SCAMP2: variants seen among roughly 807,000 people sequenced by gnomAD.
SCAMP2 encodes secretory carrier membrane protein 2, also known as secretory carrier-associated membrane protein 2.
In SCAMP2, 25 loss-of-function variants were observed where a neutral mutation model predicts 44.1. The observed-to-expected ratio is 0.57, with a 90% confidence interval of 0.41 to 0.79. The LOEUF is 0.79. Among genes scored for constraint, SCAMP2 ranks in the 30% least tolerant of loss-of-function variants. SCAMP2 has a pLI of 0.00. For missense variants in SCAMP2, 355 were observed against 411.0 expected (o/e 0.86, Z 1.18); for synonymous variants, 156 against 166.0 (o/e 0.94, Z 0.46).
At chr15:74,853,200 G>A (rs1046141753) in intron 3 of SCAMP2, 2 of 327,748 alleles carry the variant, frequency 6.1e-6, no homozygotes, top group Non-Finnish European at 1.2e-5. Flanking sequence ...AGTCTGTGAC[G>A]CCAGCTGAGA....
chr15:74,853,854 A>C, intron 3 of SCAMP2, 167 bp downstream of exon 3: 1 of 619,640 alleles, frequency 1.6e-6, no homozygotes, highest in Non-Finnish European at 2.9e-6. Context: ...TAATTGGCAG[A>C]GCAGCCCCTC....
At chr15:74,846,227 A>G (rs925411782) in intron 7 of SCAMP2, among the ~76,000 whole-genome samples, 1 of 151,862 alleles carries the variant, frequency 6.6e-6, no homozygotes, top group African/African-American at 2.4e-5. Flanking sequence ...GGCTGCAGTG[A>G]GCCGAGATCA....
At chr15:74,871,837 G>C (rs1039897722) in intron 1 of SCAMP2, among the ~76,000 whole-genome samples, 52 of 151,174 alleles carry the variant, frequency 3.4e-4, no homozygotes, top group Middle Eastern at 3.4e-3. Flanking sequence ...TTCAGGCCAG[G>C]AGTTTGAGAC....
At chr15:74,865,950 C>G (rs935781438) in intron 1 of SCAMP2, among the ~76,000 whole-genome samples, 4 of 36,462 alleles carry the variant, frequency 1.1e-4, no homozygotes, top group African/African-American at 1.4e-4. Flanking sequence ...GACTCTGTCT[C>G]GAAGGAAGGA....
At chr15:74,873,138 C>T in intron 1 of SCAMP2, 61 bp downstream of exon 1, 1 of 1,352,048 alleles carries the variant, frequency 7.4e-7, no homozygotes, top group Non-Finnish European at 9.7e-7. Flanking sequence ...GCGAGAGGCC[C>T]GGGCGGCGGC....
intron 1 of SCAMP2, chr15:74,872,916 G>T (rs1175127498): frequency 7.6e-6 from 3 of 397,080 alleles, no homozygotes; most frequent in Admixed American, 9.2e-5. Flanking sequence ...GGAAGGGTCC[G>T]ACCGTACCTG....
intron 1 of SCAMP2, among the ~76,000 whole-genome samples, chr15:74,856,660 CAT>C (rs1249586746): frequency 6.6e-6 from 1 of 151,158 alleles, no homozygotes; most frequent in African/African-American, 2.4e-5. Context: ...GTGGTGCAAT[CAT>C]AGCTCATGGT....
chr15:74,859,288 G>GA (rs1407521831), intron 1 of SCAMP2, among the ~76,000 whole-genome samples: 2 of 152,142 alleles, frequency 1.3e-5, no homozygotes, highest in Non-Finnish European at 2.9e-5. Flanking sequence ...ACAGTGTGAG[G>GA]AACATACCAC....
chr15:74,872,206 A>T (rs2141184780), intron 1 of SCAMP2, among the ~76,000 whole-genome samples: 1 of 152,120 alleles, frequency 6.6e-6, no homozygotes, highest in Non-Finnish European at 1.5e-5. Context: ...TGAGGTCAGG[A>T]GTTTGAGACC....
intron 1 of SCAMP2, 31 bp from the exon 2 acceptor site, chr15:74,854,680 A>G (rs768142664): frequency 4.4e-6 from 7 of 1,582,392 alleles, no homozygotes; most frequent in Admixed American, 3.6e-5. Context: ...CCTTAGACAC[A>G]GTGGAGAAAA....
chr15:74,849,793 GA>G (rs1178888687), intron 6 of SCAMP2, among the ~76,000 whole-genome samples: 1 of 151,948 alleles, frequency 6.6e-6, no homozygotes, highest in Non-Finnish European at 1.5e-5. Flanking sequence ...AGAACAATGA[GA>G]AAAAAACAAA....
chr15:74,847,682 A>G (rs948662699), intron 7 of SCAMP2, among the ~76,000 whole-genome samples: 5 of 152,252 alleles, frequency 3.3e-5, no homozygotes, highest in Admixed American at 6.5e-5. Flanking sequence ...GCTGTCAGCC[A>G]AGTGCCAGTC....
intron 1 of SCAMP2, among the ~76,000 whole-genome samples, chr15:74,861,539 C>T (rs778290557): frequency 6.6e-6 from 1 of 152,158 alleles, no homozygotes; most frequent in African/African-American, 2.4e-5. Context: ...TGTTTTGGTA[C>T]GCATCCCCTT....
chr15:74,865,074 CAAAA>C (rs36079981), intron 1 of SCAMP2, among the ~76,000 whole-genome samples: 7 of 32,824 alleles, frequency 2.1e-4, no homozygotes, highest in Non-Finnish European at 3.7e-4. Context: ...GACTCTATCT[CAAAA>C]AAAAAAAAAA....
At chr15:74,858,677 G>A (rs1484861219) in intron 1 of SCAMP2, among the ~76,000 whole-genome samples, 1 of 151,950 alleles carries the variant, frequency 6.6e-6, no homozygotes, top group Non-Finnish European at 1.5e-5. Context: ...TCGAAGCCTG[G>A]TACGGAGCCT....
intron 1 of SCAMP2, among the ~76,000 whole-genome samples, chr15:74,872,189 G>A (rs4886608): frequency 0.45 from 68,292 of 151,808 alleles, 16,274 homozygotes; most frequent in Non-Finnish European, 0.54. Flanking sequence ...GAGGCGGATG[G>A]ATCACCTGAG....
At chr15:74,856,490 G>T (rs757270825) in intron 1 of SCAMP2, among the ~76,000 whole-genome samples, 1 of 151,436 alleles carries the variant, frequency 6.6e-6, no homozygotes, top group Non-Finnish European at 1.5e-5. Flanking sequence ...GGGCAAGCTG[G>T]TCTTGAACTC....
chr15:74,853,405 C>T lies in SCAMP2; in HGVS notation c.225+616G>A, dbSNP rs374199786. On this transcript the variant is annotated intron_variant, in intron 3 of 8. Transcript: ENST00000268099. ...TCGCATGTAGCTGTCTCTGAGAATACTTTCTCCTCCTAGGAGCATCTGCCT... is the reference window on the plus strand; with the variant it reads ...TCGCATGTAGCTGTCTCTGAGAATATTTTCTCCTCCTAGGAGCATCTGCCT... The T allele has an allele frequency of 2.7e-4, 123 of 456,422 alleles. 1 individual carries two copies. Among genetic ancestry groups the T allele is most frequent in the African/African-American group, 2.2e-3 (111 of 50,194 alleles). The allele number at this position is 456,422 out of a possible 1,614,324, so 28.3% of individuals were successfully genotyped here. A position where few individuals can be genotyped will look rare whatever the true frequency, so the allele number is the denominator to read the frequency against.
chr15:74,847,229 T>C (rs1356206449), intron 7 of SCAMP2, among the ~76,000 whole-genome samples: 1 of 151,782 alleles, frequency 6.6e-6, no homozygotes, highest in Non-Finnish European at 1.5e-5. Context: ...GTAGCTGGGA[T>C]TATAGGCACC....
Sources: allele counts gnomAD v4.1 joint callset (sites outside exome capture counted in the v4.1 genomes callset), GRCh38; gene constraint gnomAD v4.1.1; transcripts MANE v1.5; gene names NCBI Gene and HGNC (gene_info 2026-07-23, HGNC 2026-07-21).